Variants in HERC1 observed in about 807,000 individuals in gnomAD.
The protein encoded by HERC1 is HECT and RLD domain containing E3 ubiquitin protein ligase family member 1.
A neutral mutation model predicts 554.3 loss-of-function variants in HERC1; 160 were observed. That is an observed-to-expected ratio of 0.29 (90% confidence interval 0.25 to 0.33). The LOEUF is 0.33. Among genes scored for constraint, HERC1 ranks in the 10% least tolerant of loss-of-function variants. The pLI, the probability that HERC1 is intolerant of heterozygous loss-of-function variation, is 1.00. For missense variants in HERC1, 4,919 were observed against 5,918.5 expected (o/e 0.83, Z 5.54); for synonymous variants, 2,175 against 2,131.7 (o/e 1.02, Z -0.56).
chr15:63,654,807 T>A (rs1430825163), intron 50 of HERC1, among the ~76,000 whole-genome samples: 1 of 150,704 alleles, frequency 6.6e-6, no homozygotes, highest in African/African-American at 2.4e-5. Context: ...AGACGGAGGT[T>A]GCGGTGAGCC....
chr15:63,689,708 T>C lies in HERC1; in HGVS notation c.5938-9A>G, dbSNP rs1174581417. On this transcript the variant is annotated splice_polypyrimidine_tract_variant and intron_variant, in intron 32 of 77. Transcript: ENST00000443617. ...AATAAGCGCTCAACAATCTGTTTTA[T>C]TGAAGAAAAAAGGATAAAATTTGTA... is the stretch of plus-strand genomic sequence containing the variant. 2.7e-6 allele frequency: 4 copies of C among 1,483,210 alleles called. No homozygotes were observed. Among genetic ancestry groups the C allele is most frequent in the Non-Finnish European group, 3.6e-6 (4 of 1,098,394 alleles). The allele number at this position is 1,483,210 out of a possible 1,614,324, so 91.9% of individuals were successfully genotyped here. A position where few individuals can be genotyped will look rare whatever the true frequency, so the allele number is the denominator to read the frequency against.
intron 10 of HERC1, 33 bp from the exon 11 acceptor site, chr15:63,747,891 T>C: frequency 6.6e-7 from 1 of 1,510,462 alleles, no homozygotes; most frequent in Non-Finnish European, 8.9e-7. Context: ...AATAAAACAG[T>C]CTTAAAATGA....
intron 55 of HERC1, 135 bp downstream of exon 55, chr15:63,647,934 T>C (rs1000628356): frequency 2.0e-5 from 14 of 703,356 alleles, no homozygotes; most frequent in Middle Eastern, 3.6e-4. Flanking sequence ...TATGAGAGAT[T>C]ACTTGATGGG....
intron 22 of HERC1, among the ~76,000 whole-genome samples, chr15:63,714,796 C>T (rs2073472556): frequency 6.6e-6 from 1 of 152,010 alleles, no homozygotes; most frequent in African/African-American, 2.4e-5. Flanking sequence ...ATCCGCCTGC[C>T]TCGGCCTCCC....
chr15:63,616,780 G>A, intron 74 of HERC1, 98 bp from the exon 75 acceptor site: 1 of 1,028,856 alleles, frequency 9.7e-7, no homozygotes, highest in Non-Finnish European at 1.4e-6. Context: ...TACCTGTACT[G>A]TTCAATATGG....
intron 1 of HERC1, among the ~76,000 whole-genome samples, chr15:63,784,567 A>C (rs550478151): frequency 7.9e-5 from 12 of 151,968 alleles, no homozygotes; most frequent in African/African-American, 2.7e-4. Flanking sequence ...TCACTGCATA[A>C]ATTTGAATTT....
intron 48 of HERC1, 125 bp from the exon 49 acceptor site, chr15:63,656,483 G>T (rs541421441): frequency 2.4e-6 from 2 of 835,274 alleles, no homozygotes; most frequent in East Asian, 5.3e-5. Flanking sequence ...ACTATCATTA[G>T]CCATACATGT....
intron 1 of HERC1, among the ~76,000 whole-genome samples, chr15:63,824,160 G>A (rs1195330171): frequency 1.3e-5 from 2 of 152,158 alleles, no homozygotes; most frequent in African/African-American, 2.4e-5. Context: ...AGGGAGTGGG[G>A]AAAAGGGAAT....
chr15:63,632,884 G>GT, intron 67 of HERC1, 73 bp from the exon 68 acceptor site: 2 of 1,027,138 alleles, frequency 1.9e-6, no homozygotes, highest in Non-Finnish European at 1.4e-6. Context: ...CTAATGGCAT[G>GT]TATCAAGAAC....
chr15:63,821,216 G>C (rs1019726442), intron 1 of HERC1, among the ~76,000 whole-genome samples: 14 of 152,134 alleles, frequency 9.2e-5, no homozygotes, highest in African/African-American at 3.1e-4. Context: ...GAACCCAGGA[G>C]TTTGAGACCA....
rs761757990 is a variant in HERC1, at chr15:63,712,778, T to C, written c.4581A>G (p.Ala1527=). Residue 1527 remains alanine (A), a synonymous_variant, in exon 24 of 78, where the codon GCA becomes GCG. Coordinates refer to ENST00000443617, the MANE Select transcript of HERC1 (RefSeq NM_003922.4). The part of the protein sequence containing the change: ...SQPESDEEGY[A]LSGRRNVDLD... ...TACTGAATCTGGGTATACCTACCAG[T>C]GCGTAACCCTCTTCATCTGATTCAG... 2 of 1,613,508 alleles carry C rather than the reference T, an allele frequency of 1.2e-6. No individual in the cohort carries two copies. The highest frequency in any genetic ancestry group is 1.7e-6 in the Non-Finnish European group (2 of 1,179,702).
At chr15:63,804,273 T>G (rs1321754444) in intron 1 of HERC1, among the ~76,000 whole-genome samples, 1 of 152,170 alleles carries the variant, frequency 6.6e-6, no homozygotes, top group Admixed American at 6.5e-5. Context: ...TGATCTAAAT[T>G]AAAAACTTTT....
At chr15:63,618,680 G>C (rs979613892) in intron 74 of HERC1, among the ~76,000 whole-genome samples, 1 of 152,060 alleles carries the variant, frequency 6.6e-6, no homozygotes, top group Non-Finnish European at 1.5e-5. Flanking sequence ...TTATTTCCTT[G>C]AGCAGTGGTT....
chr15:63,786,373 C>T (rs1440269837), intron 1 of HERC1, among the ~76,000 whole-genome samples: 1 of 151,792 alleles, frequency 6.6e-6, no homozygotes, highest in East Asian at 1.9e-4. Context: ...ACAGAGTTTC[C>T]TTATGGCCCA....
At chr15:63,763,116 C>T (rs1305131756) in intron 3 of HERC1, among the ~76,000 whole-genome samples, 1 of 152,212 alleles carries the variant, frequency 6.6e-6, no homozygotes, top group African/African-American at 2.4e-5. Flanking sequence ...CCCCTGGTGT[C>T]CCACCTTTCT....
chr15:63,638,204 A>G (rs987422361), intron 63 of HERC1, among the ~76,000 whole-genome samples: 2 of 152,210 alleles, frequency 1.3e-5, no homozygotes, highest in African/African-American at 4.8e-5. Flanking sequence ...ATTAAACTTG[A>G]AAGAAAAATT....
chr15:63,758,067 C>A lies in HERC1; in HGVS notation c.1221+108G>T. On this transcript the variant is annotated intron_variant, in intron 4 of 77. Transcript: ENST00000443617. This position sits in a 1 kb window ranked among gnomAD's most constrained non-coding sequence, Gnocchi z 4.0. ...ATGCAGTATATAGACCAGAAATAAC[C>A]ATCGATAATTTTCACTCATTTAAAA... The A allele has an allele frequency of 3.7e-6, 3 of 800,898 alleles. No homozygotes were observed. Among genetic ancestry groups the A allele is most frequent in the Non-Finnish European group, 5.8e-6 (3 of 519,986 alleles). The allele number at this position is 800,898 out of a possible 1,614,324, so 49.6% of individuals were successfully genotyped here.
chr15:63,637,925 T>C (rs1437990948), intron 63 of HERC1, among the ~76,000 whole-genome samples: 1 of 152,148 alleles, frequency 6.6e-6, no homozygotes, highest in Non-Finnish European at 1.5e-5. Context: ...CATTAAAGAC[T>C]GGGCTAGAAA....
chr15:63,611,949 C>A (rs2067616550), intron 77 of HERC1, among the ~76,000 whole-genome samples: 1 of 152,188 alleles, frequency 6.6e-6, no homozygotes, highest in Admixed American at 6.5e-5. Flanking sequence ...CTTTGGGAGG[C>A]CAACGTGACC....
Sources: allele counts gnomAD v4.1 joint callset (sites outside exome capture counted in the v4.1 genomes callset), GRCh38; gene constraint gnomAD v4.1.1; non-coding constraint Gnocchi (gnomAD v3.1); transcripts MANE v1.5; gene names NCBI Gene and HGNC (gene_info 2026-07-23, HGNC 2026-07-21).